The following STPG2 variants were observed in gnomAD, a reference collection of about 807,000 sequenced individuals.
The protein encoded by STPG2 is sperm tail PG-rich repeat containing 2, also known as sperm-tail PG-rich repeat-containing protein 2.
STPG2 carries 56 observed loss-of-function variants against 54.2 expected under a neutral mutation model. The ratio of observed to expected loss-of-function variants is 1.03; its 90% CI spans 0.83 to 1.29. The LOEUF (loss-of-function observed/expected upper bound fraction) is 1.29, where lower values mean the gene tolerates loss of function less well. Ranked by LOEUF, STPG2 falls within the 50% of genes most tolerant of loss-of-function variation. STPG2 has a pLI of 0.00. For missense variants in STPG2, 596 were observed against 544.9 expected (o/e 1.09, Z -0.93); for synonymous variants, 200 against 181.8 (o/e 1.10, Z -0.81).
intron 8 of STPG2, among the ~76,000 whole-genome samples, chr4:97,895,890 T>G (rs968823459): frequency 2.6e-5 from 4 of 151,802 alleles, no homozygotes; most frequent in Admixed American, 2.6e-4. Context: ...ATTATTTAAG[T>G]GGTCTTGGGT....
At chr4:97,688,427 C>A (rs993651878) in intron 10 of STPG2, among the ~76,000 whole-genome samples, 1 of 152,090 alleles carries the variant, frequency 6.6e-6, no homozygotes, top group South Asian at 2.1e-4. Flanking sequence ...AGTACAGTAG[C>A]GCAATCTCGG....
chr4:97,456,638 G>A (rs896031417), intron 4 of STPG2, among the ~76,000 whole-genome samples: 3 of 152,148 alleles, frequency 2.0e-5, no homozygotes, highest in Non-Finnish European at 4.4e-5. Context: ...GCTTATGCCT[G>A]TAATCCCAGC....
At chr4:97,859,430 T>C (rs1045666514) in intron 8 of STPG2, among the ~76,000 whole-genome samples, 14 of 151,876 alleles carry the variant, frequency 9.2e-5, no homozygotes, top group African/African-American at 3.4e-4. Context: ...CTATTTATTT[T>C]GTTTTGTTGC....
chr4:97,592,184 C>T (rs751432785), intron 10 of STPG2, among the ~76,000 whole-genome samples: 4 of 151,806 alleles, frequency 2.6e-5, no homozygotes, highest in Non-Finnish European at 5.9e-5. Context: ...TTTTAATTAC[C>T]ATACTGGGAC....
At chr4:97,633,269 T>C (rs1355245285) in intron 10 of STPG2, among the ~76,000 whole-genome samples, 1 of 152,166 alleles carries the variant, frequency 6.6e-6, no homozygotes, top group Non-Finnish European at 1.5e-5. Flanking sequence ...ATTTTTCAGT[T>C]TTTATTGACT....
chr4:97,972,525 T>A (rs1258990235), intron 6 of STPG2, 85 bp from the exon 7 acceptor site: 2 of 783,678 alleles, frequency 2.6e-6, no homozygotes, highest in Non-Finnish European at 3.7e-6. Flanking sequence ...ATTAAGGGTT[T>A]TTTTCTAAAT....
chr4:97,710,925 ATACCT>A (rs1418618493), intron 10 of STPG2, among the ~76,000 whole-genome samples: 1 of 152,008 alleles, frequency 6.6e-6, no homozygotes, highest in Non-Finnish European at 1.5e-5. Flanking sequence ...AATTTCAAGA[ATACCT>A]TAACAAACAA....
chr4:97,725,725 A>C (rs1724602524), intron 9 of STPG2, among the ~76,000 whole-genome samples: 1 of 151,916 alleles, frequency 6.6e-6, no homozygotes, highest in African/African-American at 2.4e-5. Context: ...AAATGCTGAA[A>C]ACAAATTACA....
At chr4:97,882,712 G>GA (rs1730423337) in intron 8 of STPG2, among the ~76,000 whole-genome samples, 2 of 151,972 alleles carry the variant, frequency 1.3e-5, no homozygotes, top group Admixed American at 1.3e-4. Flanking sequence ...AGGTAATGAT[G>GA]AAAAAACATG....
intron 4 of STPG2, among the ~76,000 whole-genome samples, chr4:97,552,762 A>G (rs1731993004): frequency 6.6e-6 from 1 of 152,216 alleles, no homozygotes; most frequent in Non-Finnish European, 1.5e-5. Context: ...TATTGAGTTT[A>G]CAGATACAAA....
downstream of STPG2, chr4:97,558,819 G>C (rs1005340608): frequency 2.7e-5 from 12 of 447,456 alleles, no homozygotes; most frequent in South Asian, 7.2e-5. Context: ...AAAATGTTGG[G>C]GTTAACTGTT....
At chr4:97,954,592 A>G (rs1392833109) in intron 7 of STPG2, among the ~76,000 whole-genome samples, 2 of 152,234 alleles carry the variant, frequency 1.3e-5, no homozygotes, top group Admixed American at 6.5e-5. Context: ...CCTCAAAAAC[A>G]TCAGGCTCAT....
At chr4:97,562,236 T>C (rs1732273264) in intron 10 of STPG2, among the ~76,000 whole-genome samples, 1 of 152,192 alleles carries the variant, frequency 6.6e-6, no homozygotes, top group Non-Finnish European at 1.5e-5. Flanking sequence ...GATTTGGCTC[T>C]CTGTTTGTCT....
At chr4:97,541,432 T>G (rs1040420380) in intron 4 of STPG2, among the ~76,000 whole-genome samples, 6 of 152,014 alleles carry the variant, frequency 3.9e-5, no homozygotes, top group African/African-American at 1.4e-4. Flanking sequence ...AGGATCTGTT[T>G]AAGGAGAACT....
chr4:97,489,517 ACT>A (rs1730452445), intron 4 of STPG2, among the ~76,000 whole-genome samples: 1 of 151,472 alleles, frequency 6.6e-6, no homozygotes, highest in Non-Finnish European at 1.5e-5. Context: ...TGGAAGGGAG[ACT>A]CTGAAAATAT....
intron 5 of STPG2, among the ~76,000 whole-genome samples, chr4:98,014,160 G>C (rs193139417): frequency 8.9e-4 from 136 of 152,222 alleles, no homozygotes; most frequent in African/African-American, 3.1e-3. Context: ...AGAGATTCTG[G>C]TACATTGTCT....
chr4:98,019,718 G>T (rs1299459296), intron 5 of STPG2, among the ~76,000 whole-genome samples: 1 of 128,084 alleles, frequency 7.8e-6, no homozygotes, highest in Non-Finnish European at 1.7e-5. Context: ...AGTTCTCCTT[G>T]AAGAGGTCCT....
intron 4 of STPG2, among the ~76,000 whole-genome samples, chr4:97,511,364 C>T (rs1245785884): frequency 1.3e-5 from 2 of 151,684 alleles, no homozygotes; most frequent in Admixed American, 6.6e-5. Flanking sequence ...AGATAAAAAG[C>T]AAGATAATTC....
intron 10 of STPG2, among the ~76,000 whole-genome samples, chr4:97,647,339 A>G (rs902775087): frequency 1.3e-5 from 2 of 152,140 alleles, no homozygotes; most frequent in African/African-American, 4.8e-5. Context: ...TGTTAATATC[A>G]CTGCTATTAA....
Sources: gnomAD v4.1 joint callset for allele counts (sites outside exome capture counted in the v4.1 genomes callset) on GRCh38, gnomAD v4.1.1 for gene constraint, MANE v1.5 for transcripts, NCBI Gene and HGNC (gene_info 2026-07-23, HGNC 2026-07-21) for gene names.